Variants in IL1RAPL2 observed in about 807,000 individuals in gnomAD.
IL1RAPL2 encodes X-linked interleukin-1 receptor accessory protein-like 2.
In IL1RAPL2, 3 loss-of-function variants were observed where a neutral mutation model predicts 44.1. The ratio of observed to expected loss-of-function variants is 0.07; its 90% CI spans 0.03 to 0.18. IL1RAPL2 has a LOEUF of 0.18. Among genes scored for constraint, IL1RAPL2 ranks in the 10% least tolerant of loss-of-function variants. IL1RAPL2 has a pLI of 1.00. For missense variants in IL1RAPL2, 391 were observed against 496.4 expected, an observed-to-expected ratio of 0.79 and a Z score of 2.02; for synonymous variants, 181 against 178.8, an observed-to-expected ratio of 1.01 and a Z score of -0.10.
chrX:105,538,365 A>G (rs1225436165), intron 6 of IL1RAPL2, among the ~76,000 whole-genome samples: 2 of 109,901 alleles, frequency 1.8e-5, no homozygotes, highest in East Asian at 5.7e-4. Context: ...GATCATTCCC[A>G]TCAACATTAA....
chrX:104,961,884 G>A (rs1442602360), intron 2 of IL1RAPL2, among the ~76,000 whole-genome samples: 1 of 112,226 alleles, frequency 8.9e-6, no homozygotes, highest in African/African-American at 3.2e-5. Context: ...AGTGCTTATT[G>A]AATACCTATT....
At chrX:105,328,869 A>G (rs2034962710) in intron 5 of IL1RAPL2, among the ~76,000 whole-genome samples, 2 of 112,125 alleles carry the variant, frequency 1.8e-5, no homozygotes, top group Non-Finnish European at 1.9e-5. Flanking sequence ...AGGCTATGCC[A>G]TGTAGTCTAA....
At chrX:105,042,250 T>C (rs1481240631) in intron 2 of IL1RAPL2, among the ~76,000 whole-genome samples, 1 of 108,008 alleles carries the variant, frequency 9.3e-6, no homozygotes, top group Non-Finnish European at 1.9e-5. Flanking sequence ...ACTAAAGAGC[T>C]TCTGCACAGC....
intron 6 of IL1RAPL2, among the ~76,000 whole-genome samples, chrX:105,696,540 AC>A (rs761823647): frequency 4.5e-5 from 5 of 110,292 alleles, no homozygotes; most frequent in African/African-American, 6.6e-5. Flanking sequence ...CACCACATCC[AC>A]CCCCCCCACA....
At chrX:105,263,417 T>C (rs141341872) in intron 4 of IL1RAPL2, among the ~76,000 whole-genome samples, 1,772 of 111,949 alleles carry the variant, frequency 0.016, 16 homozygotes, top group Admixed American at 0.043. Flanking sequence ...GAATGAATCA[T>C]GTGCTCTGAA....
intron 2 of IL1RAPL2, among the ~76,000 whole-genome samples, chrX:104,876,491 C>G (rs930109023): frequency 9.0e-6 from 1 of 110,701 alleles, no homozygotes; most frequent in Admixed American, 9.7e-5. Context: ...TTAATGCTGA[C>G]GTAGTTACTA....
intron 2 of IL1RAPL2, among the ~76,000 whole-genome samples, chrX:104,859,170 G>A (rs180757959): frequency 9.0e-6 from 1 of 111,170 alleles, no homozygotes; most frequent in African/African-American, 3.3e-5. Context: ...AGAGTTCATT[G>A]TTCTAGCTGT....
chrX:105,291,958 A>G (rs1480176904), intron 5 of IL1RAPL2, among the ~76,000 whole-genome samples: 2 of 111,322 alleles, frequency 1.8e-5, no homozygotes, highest in Non-Finnish European at 3.8e-5. Context: ...CTTTTCTAAT[A>G]AGCTGGTTCC....
chrX:104,973,989 T>C (rs2030285854), intron 2 of IL1RAPL2, among the ~76,000 whole-genome samples: 1 of 112,118 alleles, frequency 8.9e-6, no homozygotes, highest in Non-Finnish European at 1.9e-5. Flanking sequence ...TTCAATAACT[T>C]CCAAATTAGA....
At chrX:105,120,756 G>A (rs958099772) in intron 2 of IL1RAPL2, among the ~76,000 whole-genome samples, 6 of 112,046 alleles carry the variant, frequency 5.4e-5, no homozygotes, top group African/African-American at 1.3e-4. Flanking sequence ...GATGCATACC[G>A]TGTCTATGCA....
At chrX:105,219,389 A>G in intron 3 of IL1RAPL2, 2 of 1,210,615 alleles carry the variant, frequency 1.7e-6, no homozygotes, top group Non-Finnish European at 2.2e-6. Flanking sequence ...GTTTCGACCG[A>G]CCGGAGATCT....
chrX:105,646,393 G>C (rs2037605932), intron 6 of IL1RAPL2, among the ~76,000 whole-genome samples: 1 of 111,864 alleles, frequency 8.9e-6, no homozygotes, highest in African/African-American at 3.3e-5. Flanking sequence ...GCAATTGGCT[G>C]TATTTGCCAG....
At chrX:105,189,094 C>G (rs1359441121) in intron 2 of IL1RAPL2, among the ~76,000 whole-genome samples, 2 of 112,249 alleles carry the variant, frequency 1.8e-5, no homozygotes, top group African/African-American at 6.5e-5. Flanking sequence ...AGAAGGCATT[C>G]AACTCCCACA....
intron 1 of IL1RAPL2, among the ~76,000 whole-genome samples, chrX:104,582,628 C>CTTTTT (rs1163073361): frequency 1.6e-5 from 1 of 63,186 alleles, no homozygotes; most frequent in Non-Finnish European, 2.8e-5. Context: ...TTCTTTCTTT[C>CTTTTT]TTTCTTTCTT....
chrX:105,215,026 A>G lies in IL1RAPL2; in HGVS notation c.357-18792A>G, dbSNP rs782381904. Among the ~76,000 whole-genome samples the G allele has an allele frequency of 1.1e-4, 12 of 112,423 alleles. No individual in the cohort carries two copies. In the South Asian group the frequency reaches 4.4e-3, roughly 41 times the overall value. ...AGAAAGCTGGAAAGATCTGAAATCA[A>G]CACACTAACATCACAATTAAAAGAA... is the stretch of plus-strand genomic sequence containing the variant. On this transcript the variant is annotated intron_variant, in intron 3 of 10. Transcript: ENST00000372582.
At chrX:104,635,558 C>T (rs1929779329) in intron 1 of IL1RAPL2, among the ~76,000 whole-genome samples, 1 of 111,499 alleles carries the variant, frequency 9.0e-6, no homozygotes, top group Admixed American at 9.6e-5. Flanking sequence ...ATTCTTTTTT[C>T]TCTAAACTTC....
chrX:105,579,429 C>T (rs1311257855), intron 6 of IL1RAPL2, among the ~76,000 whole-genome samples: 1 of 111,396 alleles, frequency 9.0e-6, no homozygotes, highest in Non-Finnish European at 1.9e-5. Context: ...CATTAGCAAG[C>T]TGTGCTCTAC....
chrX:104,783,688 C>T (rs1329106052), intron 2 of IL1RAPL2, among the ~76,000 whole-genome samples: 1 of 108,564 alleles, frequency 9.2e-6, no homozygotes, highest in African/African-American at 3.4e-5. Context: ...GGAATTTCCA[C>T]TGCTCAGTGT....
At chrX:104,570,118 A>G (rs923544354) in intron 1 of IL1RAPL2, among the ~76,000 whole-genome samples, 3 of 111,647 alleles carry the variant, frequency 2.7e-5, no homozygotes, top group Non-Finnish European at 5.6e-5. Context: ...AATAATATAT[A>G]AAAGAAAAAT....
Sources: gnomAD v4.1 joint callset for allele counts (sites outside exome capture counted in the v4.1 genomes callset) on GRCh38, gnomAD v4.1.1 for gene constraint, MANE v1.5 for transcripts, NCBI Gene and HGNC (gene_info 2026-07-23, HGNC 2026-07-21) for gene names.